The following RPS6KC1 variants were observed in gnomAD, a reference collection of about 807,000 sequenced individuals.
The protein encoded by RPS6KC1 is ribosomal protein S6 kinase C1, also known as inactive ribosomal protein S6 kinase delta-1.
RPS6KC1 carries 54 observed loss-of-function variants against 103.8 expected under a neutral mutation model. That is an observed-to-expected ratio of 0.52 (90% CI 0.42 to 0.65). The LOEUF (loss-of-function observed/expected upper bound fraction) is 0.65, where lower values mean the gene tolerates loss of function less well. RPS6KC1 is among the 30% of genes least tolerant of loss of function. RPS6KC1 has a pLI of 0.00. For synonymous variants in RPS6KC1, 439 were observed against 438.7 expected, an observed-to-expected ratio of 1.00 and a Z score of -0.01; for missense variants, 1,151 against 1,253.8, an observed-to-expected ratio of 0.92 and a Z score of 1.24.
chr1:213,681,474 G>C, the RPS6KC1 span, among the ~76,000 whole-genome samples: 4 of 151,072 alleles, frequency 2.6e-5, no homozygotes, highest in African/African-American at 9.7e-5. Flanking sequence ...GAGAGAGACA[G>C]GAGGGAGGGA....
the RPS6KC1 span, among the ~76,000 whole-genome samples, chr1:213,556,936 G>A: frequency 1.1e-3 from 166 of 152,226 alleles, no homozygotes; most frequent in African/African-American, 3.9e-3. Flanking sequence ...GTGGGGTGGG[G>A]GGTTATTCCC....
chr1:213,693,291 C>T, the RPS6KC1 span, among the ~76,000 whole-genome samples: 1 of 152,178 alleles, frequency 6.6e-6, no homozygotes, highest in Non-Finnish European at 1.5e-5. Flanking sequence ...CTTCAGATCT[C>T]AGCTTAGACT....
chr1:213,382,032 C>T, the RPS6KC1 span, among the ~76,000 whole-genome samples: 1 of 152,212 alleles, frequency 6.6e-6, no homozygotes, highest in African/African-American at 2.4e-5. Context: ...CACCCAGGCG[C>T]ACACACCAAA....
the RPS6KC1 span, among the ~76,000 whole-genome samples, chr1:213,296,802 G>T: frequency 1.3e-5 from 2 of 152,282 alleles, no homozygotes; most frequent in East Asian, 3.9e-4. Flanking sequence ...AAGGGATCAG[G>T]CAGACAGTTA....
chr1:213,113,656 A>T (rs1444925760), intron 4 of RPS6KC1, among the ~76,000 whole-genome samples: 7 of 150,902 alleles, frequency 4.6e-5, no homozygotes, highest in Admixed American at 4.6e-4. Context: ...CTGAATGGTA[A>T]TGCCTAGGTT....
At chr1:213,462,033 C>G in the RPS6KC1 span, among the ~76,000 whole-genome samples, 1 of 152,098 alleles carries the variant, frequency 6.6e-6, no homozygotes, top group African/African-American at 2.4e-5. Flanking sequence ...TGACAAAGGG[C>G]TAATATTCAG....
At chr1:213,732,356 TGTGC>T in the RPS6KC1 span, among the ~76,000 whole-genome samples, 2 of 149,958 alleles carry the variant, frequency 1.3e-5, no homozygotes, top group African/African-American at 2.5e-5. Flanking sequence ...TGAGTGTGCG[TGTGC>T]GTGTGTGTGT....
the RPS6KC1 span, among the ~76,000 whole-genome samples, chr1:213,542,479 T>C: frequency 6.6e-6 from 1 of 152,246 alleles, no homozygotes; most frequent in Non-Finnish European, 1.5e-5. Flanking sequence ...AAGTAGAAAC[T>C]CCTATCTCCA....
the RPS6KC1 span, among the ~76,000 whole-genome samples, chr1:213,482,456 T>G: frequency 6.6e-6 from 1 of 151,916 alleles, no homozygotes; most frequent in Non-Finnish European, 1.5e-5. Context: ...AAACATTTTC[T>G]TTTTTGTCAT....
At chr1:213,662,976 G>A in the RPS6KC1 span, among the ~76,000 whole-genome samples, 8 of 152,302 alleles carry the variant, frequency 5.3e-5, no homozygotes, top group East Asian at 1.4e-3. Context: ...CCAGCTAGAA[G>A]TAGCCTGTCC....
the RPS6KC1 span, among the ~76,000 whole-genome samples, chr1:213,625,345 T>C: frequency 3.3e-5 from 5 of 152,236 alleles, no homozygotes; most frequent in Non-Finnish European, 5.9e-5. Context: ...TATGCAATAT[T>C]CTTTTTAATA....
the RPS6KC1 span, among the ~76,000 whole-genome samples, chr1:213,440,103 T>A: frequency 6.6e-6 from 1 of 152,176 alleles, no homozygotes; most frequent in Non-Finnish European, 1.5e-5. Flanking sequence ...ATTATGTGCA[T>A]AATCAGATAC....
the RPS6KC1 span, among the ~76,000 whole-genome samples, chr1:213,493,732 C>G: frequency 6.6e-6 from 1 of 152,216 alleles, no homozygotes; most frequent in African/African-American, 2.4e-5. Context: ...CTGCCAATAA[C>G]TTCTTAGGAA....
At chr1:213,225,929 C>T (rs551191039) in intron 8 of RPS6KC1, among the ~76,000 whole-genome samples, 1 of 152,224 alleles carries the variant, frequency 6.6e-6, no homozygotes, top group South Asian at 2.1e-4. Context: ...ACTTAAAAGT[C>T]ACACCTCATG....
chr1:213,592,585 T>C, the RPS6KC1 span, among the ~76,000 whole-genome samples: 1 of 152,344 alleles, frequency 6.6e-6, no homozygotes, highest in South Asian at 2.1e-4. Flanking sequence ...GTACCACTTG[T>C]GGAATCTCTG....
chr1:213,826,775 G>C, the RPS6KC1 span, among the ~76,000 whole-genome samples: 2 of 152,136 alleles, frequency 1.3e-5, no homozygotes, highest in Admixed American at 6.5e-5. Context: ...CCTGGGAAGG[G>C]GGGGAAGTAC....
At chr1:213,091,658 A>T (rs769481298) in intron 3 of RPS6KC1, among the ~76,000 whole-genome samples, 1 of 152,216 alleles carries the variant, frequency 6.6e-6, no homozygotes, top group Non-Finnish European at 1.5e-5. Flanking sequence ...AAAATCATTA[A>T]TATCATCACA....
chr1:213,207,192 A>G (rs182095697), intron 8 of RPS6KC1, among the ~76,000 whole-genome samples: 5 of 152,310 alleles, frequency 3.3e-5, no homozygotes, highest in Admixed American at 1.3e-4. Flanking sequence ...CTATTCAGAA[A>G]AGCTACAGAA....
At chr1:213,420,892 C>T in the RPS6KC1 span, among the ~76,000 whole-genome samples, 2 of 152,168 alleles carry the variant, frequency 1.3e-5, no homozygotes, top group Non-Finnish European at 2.9e-5. Flanking sequence ...GCTTCTGGTG[C>T]TTCCTTGGCT....
Sources: gnomAD v4.1 joint callset for allele counts (sites outside exome capture counted in the v4.1 genomes callset) on GRCh38, gnomAD v4.1.1 for gene constraint, MANE v1.5 for transcripts, NCBI Gene and HGNC (gene_info 2026-07-23, HGNC 2026-07-21) for gene names.